PCDHGB1: variants seen among roughly 807,000 people sequenced by gnomAD.
PCDHGB1 encodes the protein protocadherin gamma-B1.
Under a neutral mutation model 56.6 loss-of-function variants are expected in PCDHGB1, and 34 were observed. The observed-to-expected ratio is 0.60, with a 90% CI of 0.46 to 0.80. PCDHGB1 has a LOEUF of 0.80. Ranked by LOEUF, PCDHGB1 falls within the 30% of genes least tolerant of loss-of-function variation. PCDHGB1 has a pLI of 0.00. For synonymous variants in PCDHGB1, 561 were observed against 505.9 expected (o/e 1.11, Z -1.46); for missense variants, 1,278 against 1,204.6 (o/e 1.06, Z -0.90).
chr5:141,388,706 T>C (rs1189291267), intron 1 of PCDHGB1: 2 of 1,613,856 alleles, frequency 1.2e-6, no homozygotes, highest in African/African-American at 2.7e-5. Flanking sequence ...AGGGTGTCAA[T>C]GCCGAGATTA....
chr5:141,413,019 C>A (rs1056458163), intron 1 of PCDHGB1: 24 of 683,104 alleles, frequency 3.5e-5, no homozygotes, highest in Non-Finnish European at 5.2e-5. Flanking sequence ...ACTACACAAG[C>A]CCCACAAACC....
At chr5:141,399,445 G>GATA in intron 1 of PCDHGB1, 1 of 1,614,032 alleles carries the variant, frequency 6.2e-7, no homozygotes, top group Non-Finnish European at 8.5e-7. Flanking sequence ...ACATATCAGA[G>GATA]ACGTCAACGA....
At chr5:141,419,472 G>T in intron 1 of PCDHGB1, 1 of 1,612,328 alleles carries the variant, frequency 6.2e-7, no homozygotes, top group South Asian at 1.1e-5. Flanking sequence ...CGCGACCAGG[G>T]CTCGCCCGCG....
At chr5:141,442,737 G>A (rs1376026431) in intron 1 of PCDHGB1, among the ~76,000 whole-genome samples, 1 of 152,152 alleles carries the variant, frequency 6.6e-6, no homozygotes, top group Non-Finnish European at 1.5e-5. Flanking sequence ...CTGTAGGTAA[G>A]GAGCATGTTT....
At chr5:141,419,556 C>A (rs202164819) in intron 1 of PCDHGB1, 227 of 1,611,892 alleles carry the variant, frequency 1.4e-4, no homozygotes, top group Non-Finnish European at 8.6e-5. Context: ...CTGTACCCTG[C>A]GCTGGGTCCC....
intron 1 of PCDHGB1, among the ~76,000 whole-genome samples, chr5:141,465,785 T>G (rs564238782): frequency 6.6e-6 from 1 of 152,262 alleles, no homozygotes; most frequent in South Asian, 2.1e-4. Flanking sequence ...TACAGTTTTT[T>G]TTTTTTTAAG....
chr5:141,413,217 C>A (rs762828191), intron 1 of PCDHGB1: 8 of 1,613,184 alleles, frequency 5.0e-6, no homozygotes, highest in African/African-American at 1.3e-5. Context: ...CAAAGGATTG[C>A]AGCGGGCTGG....
At chr5:141,383,188 G>T (rs762386846) in intron 1 of PCDHGB1, 26 of 1,614,064 alleles carry the variant, frequency 1.6e-5, no homozygotes, top group Non-Finnish European at 2.1e-5. Context: ...AGAGATCTGC[G>T]CTCAGAGTGC....
At chr5:141,421,370 A>G (rs765775416) in intron 1 of PCDHGB1, 4 of 1,613,916 alleles carry the variant, frequency 2.5e-6, no homozygotes, top group African/African-American at 1.3e-5. Flanking sequence ...TTCGTGGGCA[A>G]TATCTCCAAG....
At position 141,431,828 on chromosome 5, in the gene PCDHGB1, C is replaced by G. The variant is rs750949066; in HGVS notation, c.2410-62979C>G. ...CCTCACCTCTCTCGCCAGCTCGGTTCCCGAAAACTCTCCCAGAGGGACATT... is the reference window on the plus strand; with the variant it reads ...CCTCACCTCTCTCGCCAGCTCGGTTGCCGAAAACTCTCCCAGAGGGACATT... On this transcript the variant is annotated intron_variant, in intron 1 of 3. Coordinates refer to ENST00000523390, the MANE Select transcript of PCDHGB1 (RefSeq NM_018922.3). This position sits in a 1 kb window ranked among gnomAD's most constrained non-coding sequence, Gnocchi z 4.8. The G allele has an allele frequency of 5.6e-6, 9 of 1,610,208 alleles. No homozygotes were observed. Among genetic ancestry groups the G allele is most frequent in the Non-Finnish European group, 1.7e-6 (2 of 1,176,374 alleles).
Position 141,399,399 on chromosome 5 carries a change from C to T in PCDHGB1, c.2409+46730C>T, listed in dbSNP as rs1282174658. 1.9e-6 allele frequency: 3 copies of T among 1,613,902 alleles called. No individual in the cohort carries two copies. The Admixed American group carries it at 5.0e-5, about 27-fold the overall frequency. The stretch of plus-strand genomic sequence containing the variant: ...TCACCATCACAGCCACAGACAGGGG[C>T]AAGCCGCCCCTCTCCTCCAGCATAA... On this transcript the variant is annotated intron_variant, in intron 1 of 3. Transcript: ENST00000523390.
intron 1 of PCDHGB1, chr5:141,361,394 T>A: frequency 1.2e-6 from 2 of 1,613,952 alleles, no homozygotes; most frequent in Non-Finnish European, 1.7e-6. Flanking sequence ...GAATACAATC[T>A]CACCATCACA....
rs367578838 is a variant in PCDHGB1, at chr5:141,432,537, C to A, written c.2410-62270C>A. The A allele has an allele frequency of 5.0e-6, 8 of 1,613,882 alleles. No individual in the cohort carries two copies. Among genetic ancestry groups the A allele is most frequent in the African/African-American group, 1.3e-5 (1 of 74,922 alleles). Reference sequence around the variant, plus strand: ...GGCTACCTGGTGACCAAGGTGGTGGCGGTGGACAGAGACTCCGGCCAGAAC... The same window carrying A: ...GGCTACCTGGTGACCAAGGTGGTGGAGGTGGACAGAGACTCCGGCCAGAAC... On this transcript the variant is annotated intron_variant, in intron 1 of 3. Coordinates refer to ENST00000523390, the MANE Select transcript of PCDHGB1 (RefSeq NM_018922.3). This position sits in a 1 kb window ranked among gnomAD's most constrained non-coding sequence, Gnocchi z 6.0.
Position 141,351,439 on chromosome 5 carries a change from C to T in PCDHGB1, c.1179C>T (p.Thr393=), listed in dbSNP as rs1588487704. ...AAGTTCCTTTCAAATTAGAATCCAC[C>T]TCGAAGAATTATTACAAGCTGGTGA... The part of the protein sequence containing the change: ...QEEVPFKLES[T]SKNYYKLVIA... Residue 393 remains threonine (T), a synonymous_variant, in exon 1 of 4, where the codon ACC becomes ACT. Transcript: ENST00000523390. 6.2e-7 allele frequency: 1 copy of T among 1,612,428 alleles called. No individual in the cohort carries two copies. The highest frequency in any genetic ancestry group is 2.2e-5 in the East Asian group (1 of 44,846).
chr5:141,449,830 T>G (rs1316368063), intron 1 of PCDHGB1, among the ~76,000 whole-genome samples: 1 of 151,724 alleles, frequency 6.6e-6, no homozygotes, highest in Non-Finnish European at 1.5e-5. Flanking sequence ...AAGGACATTC[T>G]TTTATATAAT....
intron 1 of PCDHGB1, among the ~76,000 whole-genome samples, chr5:141,462,069 C>T (rs555164288): frequency 4.3e-4 from 65 of 151,850 alleles, no homozygotes; most frequent in Non-Finnish European, 7.5e-4. Context: ...GTGATCTGCC[C>T]GCCTTGGCCT....
At chr5:141,373,821 G>C (rs1268202879) in intron 1 of PCDHGB1, 1 of 364,140 alleles carries the variant, frequency 2.7e-6, no homozygotes, top group African/African-American at 2.1e-5. Flanking sequence ...TTCACAAAAC[G>C]ATGCAGTATT....
chr5:141,410,466 G>T (rs536543649), intron 1 of PCDHGB1: 2 of 1,613,908 alleles, frequency 1.2e-6, no homozygotes, highest in South Asian at 1.1e-5. Context: ...TATAATCTGT[G>T]CATTGCACAT....
In PCDHGB1 at chr5:141,478,136, C is replaced by G. The variant is rs529858044; in HGVS notation, c.2410-16671C>G. 1.4e-4 allele frequency: 218 copies of G among 1,614,048 alleles called. 3 individuals are homozygous for G. The South Asian group carries it at 2.2e-3, about 17-fold the overall frequency. ...AGTAACCGAGGACTCTCCTGAAGCC[C>G]GAGCCGAGTTCCCCTCTGGCTCTGC... is the stretch of plus-strand genomic sequence containing the variant. On this transcript the variant is annotated intron_variant, in intron 1 of 3. Coordinates refer to ENST00000523390, the MANE Select transcript of PCDHGB1 (RefSeq NM_018922.3).
Sources: allele counts gnomAD v4.1 joint callset (sites outside exome capture counted in the v4.1 genomes callset), GRCh38; gene constraint gnomAD v4.1.1; non-coding constraint Gnocchi (gnomAD v3.1); transcripts MANE v1.5; gene names NCBI Gene and HGNC (gene_info 2026-07-23, HGNC 2026-07-21).